RBFOX1: variants seen among roughly 807,000 people sequenced by gnomAD.
RBFOX1 encodes RNA binding protein fox-1 homolog 1.
A neutral mutation model predicts 57.7 loss-of-function variants in RBFOX1; 8 were observed. The observed-to-expected ratio is 0.14, with a 90% CI of 0.08 to 0.25. The LOEUF (loss-of-function observed/expected upper bound fraction) is 0.25, where lower values mean the gene tolerates loss of function less well. Among genes scored for constraint, RBFOX1 ranks in the 10% least tolerant of loss-of-function variants. RBFOX1 has a pLI of 1.00. For synonymous variants in RBFOX1, 326 were observed against 222.4 expected (o/e 1.47, Z -4.15); for missense variants, 611 against 548.5 (o/e 1.11, Z -1.14).
intron 1 of RBFOX1, among the ~76,000 whole-genome samples, chr16:5,257,149 C>A (rs1336263926): frequency 7.5e-6 from 1 of 133,552 alleles, no homozygotes; most frequent in Non-Finnish European, 1.6e-5. Context: ...TGTAAAAAAA[C>A]CAAGAAACAA....
chr16:5,374,038 C>G (rs577309495), intron 1 of RBFOX1, among the ~76,000 whole-genome samples: 1 of 152,264 alleles, frequency 6.6e-6, no homozygotes, highest in Non-Finnish European at 1.5e-5. Flanking sequence ...CTGCCTCACC[C>G]TCCTGAGTAG....
intron 1 of RBFOX1, among the ~76,000 whole-genome samples, chr16:5,438,516 C>T (rs778298797): frequency 3.3e-5 from 5 of 152,170 alleles, no homozygotes; most frequent in African/African-American, 1.2e-4. Flanking sequence ...CCTGATCTCA[C>T]CAGATATGCC....
At chr16:7,258,190 G>A (rs1014702379) in intron 4 of RBFOX1, among the ~76,000 whole-genome samples, 3 of 152,172 alleles carry the variant, frequency 2.0e-5, no homozygotes, top group Admixed American at 6.6e-5. Context: ...GGTTAACAAT[G>A]TGCCATGTAC....
At chr16:6,118,851 T>A (rs1421320823) in intron 1 of RBFOX1, among the ~76,000 whole-genome samples, 2 of 151,658 alleles carry the variant, frequency 1.3e-5, no homozygotes, top group Admixed American at 1.3e-4. Context: ...CCCATCTTCT[T>A]CACTAATCCT....
intron 1 of RBFOX1, among the ~76,000 whole-genome samples, chr16:6,153,046 T>TG (rs1597834713): frequency 6.6e-6 from 1 of 151,280 alleles, no homozygotes; most frequent in African/African-American, 2.4e-5. Flanking sequence ...TTTTTTTTTT[T>TG]TTTGTTAATT....
chr16:5,670,062 A>C (rs1160982700), intron 3 of RBFOX1, among the ~76,000 whole-genome samples: 2 of 152,118 alleles, frequency 1.3e-5, no homozygotes, highest in Non-Finnish European at 2.9e-5. Flanking sequence ...AAACATGCTA[A>C]GTGAGGGAAG....
At chr16:6,613,952 A>T (rs1389386957) in intron 2 of RBFOX1, among the ~76,000 whole-genome samples, 1 of 152,204 alleles carries the variant, frequency 6.6e-6, no homozygotes, top group Non-Finnish European at 1.5e-5. Flanking sequence ...AAGGAAAAAG[A>T]AAAAAGAAGA....
In RBFOX1 at chr16:7,688,260, T is replaced by TGTGTGTGTGAGAGA. The variant is rs1319185243; in HGVS notation, c.995+11423_995+11424insTGTGTGTGAGAGAG. 6.0e-4 allele frequency among the ~76,000 whole-genome samples: 75 copies of TGTGTGTGTGAGAGA among 125,384 alleles called. 2 individuals are homozygous for TGTGTGTGTGAGAGA. The highest frequency in any genetic ancestry group is 2.2e-3 in the African/African-American group (73 of 33,768). The allele number at this position is 125,384 out of a possible 152,430, so 82.3% of individuals were successfully genotyped here. A position where few individuals can be genotyped will look rare whatever the true frequency, so the allele number is the denominator to read the frequency against. On this transcript the variant is annotated intron_variant, in intron 14 of 15. Transcript: ENST00000550418. The stretch of plus-strand genomic sequence containing the variant: ...GTGTGTGTGTGTGTGTGTGTGTGTG[T>TGTGTGTGTGAGAGA]GAGAGAGAGAGAGAGAGAGAGAGAT...
chr16:7,368,794 A>T (rs896745293), intron 4 of RBFOX1, among the ~76,000 whole-genome samples: 22 of 143,970 alleles, frequency 1.5e-4, no homozygotes, highest in South Asian at 2.1e-4. Flanking sequence ...AAAAAAAAAA[A>T]AATAAAAATA....
intron 1 of RBFOX1, among the ~76,000 whole-genome samples, chr16:5,348,487 G>T (rs1596606601): frequency 1.3e-5 from 2 of 152,270 alleles, no homozygotes; most frequent in South Asian, 4.1e-4. Flanking sequence ...GAGGAAACAG[G>T]CATGGAGAGG....
intron 4 of RBFOX1, among the ~76,000 whole-genome samples, chr16:7,106,036 G>C (rs1038512634): frequency 6.6e-6 from 1 of 152,156 alleles, no homozygotes; most frequent in Non-Finnish European, 1.5e-5. Flanking sequence ...TGGTGTTCAT[G>C]GGACTGACAG....
At chr16:6,976,788 TATATATGATATATGAG>T (rs1316312278) in intron 3 of RBFOX1, among the ~76,000 whole-genome samples, 1 of 128,636 alleles carries the variant, frequency 7.8e-6, no homozygotes, top group African/African-American at 4.1e-5. Context: ...CAATATATTA[TATATATGATATATGAG>T]ATATAAATGA....
At chr16:5,958,156 T>A (rs1037822640) in intron 4 of RBFOX1, among the ~76,000 whole-genome samples, 9 of 152,178 alleles carry the variant, frequency 5.9e-5, no homozygotes, top group Non-Finnish European at 1.0e-4. Flanking sequence ...GGGGAGATAC[T>A]TTTTTGTGTA....
At chr16:6,284,873 G>A (rs898554462) in intron 1 of RBFOX1, among the ~76,000 whole-genome samples, 2 of 152,068 alleles carry the variant, frequency 1.3e-5, no homozygotes, top group Non-Finnish European at 2.9e-5. Context: ...CTCATTAAAG[G>A]CTTATTAACT....
rs371350032 is a variant in RBFOX1, at chr16:6,848,095, G to C, written c.-16+193445G>C. Among the ~76,000 whole-genome samples the C allele has an allele frequency of 2.6e-5, 4 of 152,032 alleles. No individual in the cohort carries two copies. In the South Asian group the frequency reaches 6.2e-4, roughly 24 times the overall value. On this transcript the variant is annotated intron_variant, in intron 3 of 15. Transcript: ENST00000550418. ...GATCCACCCACCTTGGCCTCACAAAGTGCTGGGATTTGCAGGTGTGAGTCA... is the reference window on the plus strand; with the variant it reads ...GATCCACCCACCTTGGCCTCACAAACTGCTGGGATTTGCAGGTGTGAGTCA...
chr16:6,157,217 A>G (rs1046551216), intron 1 of RBFOX1, among the ~76,000 whole-genome samples: 3 of 152,132 alleles, frequency 2.0e-5, no homozygotes, highest in Non-Finnish European at 4.4e-5. Context: ...AAGTGTACAA[A>G]TAAAAGAGAC....
At chr16:5,700,689 T>C (rs2051016579) in intron 3 of RBFOX1, among the ~76,000 whole-genome samples, 1 of 152,224 alleles carries the variant, frequency 6.6e-6, no homozygotes, top group Non-Finnish European at 1.5e-5. Flanking sequence ...TTTTGCCCGC[T>C]TCTGAGACTC....
chr16:5,648,910 A>AAAAT (rs1843611312), intron 3 of RBFOX1, among the ~76,000 whole-genome samples: 1 of 151,948 alleles, frequency 6.6e-6, no homozygotes, highest in Admixed American at 6.5e-5. Context: ...CTAAAAATAC[A>AAAAT]AAAATTAGCC....
chr16:5,844,195 G>T (rs1481969580), intron 3 of RBFOX1, among the ~76,000 whole-genome samples: 2 of 152,174 alleles, frequency 1.3e-5, no homozygotes, highest in Non-Finnish European at 1.5e-5. Flanking sequence ...GTTCACAAAG[G>T]ACAGTTTACC....
Sources: gnomAD v4.1 joint callset for allele counts (sites outside exome capture counted in the v4.1 genomes callset) on GRCh38, gnomAD v4.1.1 for gene constraint, MANE v1.5 for transcripts, NCBI Gene and HGNC (gene_info 2026-07-23, HGNC 2026-07-21) for gene names.